Variants in PHF24 observed in about 807,000 individuals in gnomAD.
PHF24 encodes PHD finger protein 24, also known as Galpha inhibitory interacting protein.
In PHF24, 25 loss-of-function variants were observed where a neutral mutation model predicts 42.6. The observed-to-expected ratio is 0.59, with a 90% confidence interval of 0.43 to 0.82. PHF24 has a LOEUF of 0.82. PHF24 is among the 40% of genes least tolerant of loss of function. The probability of loss-of-function intolerance (pLI) is 0.00; values close to 1 mark genes in which losing one functional copy is unlikely to be tolerated. For missense variants in PHF24, 470 were observed against 538.1 expected, an observed-to-expected ratio of 0.87 and a Z score of 1.25; for synonymous variants, 185 against 204.8, an observed-to-expected ratio of 0.90 and a Z score of 0.83.
At chr9:34,841,873 A>T in the PHF24 span, among the ~76,000 whole-genome samples, 27 of 152,236 alleles carry the variant, frequency 1.8e-4, no homozygotes, top group African/African-American at 6.5e-4. Context: ...ACAAACAAAG[A>T]GTGAACAATT....
the PHF24 span, among the ~76,000 whole-genome samples, chr9:34,934,266 C>T: frequency 6.6e-6 from 1 of 152,260 alleles, no homozygotes; most frequent in East Asian, 1.9e-4. Context: ...GCTTATGTCA[C>T]AAGTCTATGG....
chr9:34,794,190 A>G, the PHF24 span, among the ~76,000 whole-genome samples: 1 of 152,124 alleles, frequency 6.6e-6, no homozygotes, highest in African/African-American at 2.4e-5. Context: ...CACTGCCCAA[A>G]TCCCATACTG....
chr9:34,787,864 TC>T, the PHF24 span, among the ~76,000 whole-genome samples: 5 of 152,162 alleles, frequency 3.3e-5, no homozygotes, highest in Non-Finnish European at 7.4e-5. Context: ...ATAACAATTT[TC>T]CCCCTTGGTA....
At chr9:34,719,941 C>T in the PHF24 span, among the ~76,000 whole-genome samples, 2 of 152,356 alleles carry the variant, frequency 1.3e-5, no homozygotes, top group Non-Finnish European at 2.9e-5. Context: ...GGGCCCCCAT[C>T]CCTTAGGCAC....
the PHF24 span, chr9:34,838,544 A>G: frequency 4.0e-3 from 4,837 of 1,223,960 alleles, 20 homozygotes; most frequent in South Asian, 5.8e-3. Flanking sequence ...CTCGGCATTC[A>G]GGGTTCTGGT....
chr9:34,844,301 T>A, the PHF24 span, among the ~76,000 whole-genome samples: 1 of 152,136 alleles, frequency 6.6e-6, no homozygotes, highest in South Asian at 2.1e-4. Flanking sequence ...ATTTAACCTC[T>A]AATCTTTATT....
At chr9:34,814,670 G>T in the PHF24 span, among the ~76,000 whole-genome samples, 2 of 152,202 alleles carry the variant, frequency 1.3e-5, no homozygotes, top group Admixed American at 1.3e-4. Context: ...GGGAGTCTTG[G>T]ATCTTCTGCC....
the PHF24 span, chr9:34,690,318 T>A: frequency 6.2e-7 from 1 of 1,613,830 alleles, no homozygotes; most frequent in South Asian, 1.1e-5. Flanking sequence ...GTCTTCAGCA[T>A]CATTGGTGCC....
the PHF24 span, among the ~76,000 whole-genome samples, chr9:34,806,938 G>A: frequency 5.9e-4 from 90 of 152,238 alleles, 1 homozygote; most frequent in East Asian, 0.01. Flanking sequence ...AATTCTAACA[G>A]GTTGTTTAAG....
chr9:34,920,033 T>G, the PHF24 span, among the ~76,000 whole-genome samples: 1 of 152,162 alleles, frequency 6.6e-6, no homozygotes, highest in Non-Finnish European at 1.5e-5. Flanking sequence ...GATATCTCTT[T>G]GATGATATAC....
chr9:34,973,841 G>A (rs1225590743), intron 3 of PHF24, among the ~76,000 whole-genome samples: 5 of 152,074 alleles, frequency 3.3e-5, no homozygotes, highest in African/African-American at 1.2e-4. Flanking sequence ...TAGGACTGGG[G>A]TGAAGGGGTC....
chr9:34,762,444 T>C, the PHF24 span, among the ~76,000 whole-genome samples: 6 of 151,554 alleles, frequency 4.0e-5, no homozygotes, highest in South Asian at 4.2e-4. Flanking sequence ...TCTCTGATGG[T>C]CAGTGATGGT....
At chr9:34,750,527 TAA>T in the PHF24 span, among the ~76,000 whole-genome samples, 5 of 149,906 alleles carry the variant, frequency 3.3e-5, no homozygotes, top group African/African-American at 1.2e-4. Flanking sequence ...AATAAATAAA[TAA>T]ATAAATAAAT....
At chr9:34,849,915 T>C in the PHF24 span, among the ~76,000 whole-genome samples, 1 of 152,160 alleles carries the variant, frequency 6.6e-6, no homozygotes, top group East Asian at 1.9e-4. Flanking sequence ...TCTTTAAGAA[T>C]GTTGAATATT....
chr9:34,833,439 T>C, the PHF24 span: 1 of 1,550,234 alleles, frequency 6.5e-7, no homozygotes, highest in Non-Finnish European at 8.7e-7. Context: ...CCTTCTGGAT[T>C]AGGGGCAGGA....
At chr9:34,731,107 G>A in the PHF24 span, among the ~76,000 whole-genome samples, 8 of 152,012 alleles carry the variant, frequency 5.3e-5, no homozygotes, top group East Asian at 1.9e-4. Context: ...TTTCTTCCTC[G>A]TGTATCTCTC....
chr9:34,875,932 A>ACTCTCT, the PHF24 span, among the ~76,000 whole-genome samples: 5 of 70,836 alleles, frequency 7.1e-5, no homozygotes, highest in South Asian at 5.1e-4. Flanking sequence ...ACACACACAC[A>ACTCTCT]CACACACACA....
the PHF24 span, among the ~76,000 whole-genome samples, chr9:34,739,592 G>A: frequency 6.6e-6 from 1 of 152,064 alleles, no homozygotes; most frequent in Non-Finnish European, 1.5e-5. Flanking sequence ...TCTGATGTTC[G>A]GATGTGTTCG....
the PHF24 span, among the ~76,000 whole-genome samples, chr9:34,741,949 T>C: frequency 5.3e-5 from 8 of 152,130 alleles, no homozygotes; most frequent in Admixed American, 3.9e-4. Flanking sequence ...TGATTCTCAG[T>C]GTGTTCCATA....
Sources: gnomAD v4.1 joint callset for allele counts (sites outside exome capture counted in the v4.1 genomes callset) on GRCh38, gnomAD v4.1.1 for gene constraint, MANE v1.5 for transcripts, NCBI Gene and HGNC (gene_info 2026-07-23, HGNC 2026-07-21) for gene names.